The following PRKCE variants were observed in gnomAD, a reference collection of about 807,000 sequenced individuals.
PRKCE encodes the protein protein kinase C epsilon, also known as protein kinase C epsilon type.
PRKCE carries 16 observed loss-of-function variants against 85.4 expected under a neutral mutation model. The observed-to-expected ratio is 0.19, with a 90% CI of 0.13 to 0.28. The LOEUF is 0.28. Among genes scored for constraint, PRKCE ranks in the 10% least tolerant of loss-of-function variants. The pLI is 1.00. For missense variants in PRKCE, 573 were observed against 975.2 expected, an observed-to-expected ratio of 0.59 and a Z score of 5.49; for synonymous variants, 388 against 371.5, an observed-to-expected ratio of 1.04 and a Z score of -0.51.
intron 10 of PRKCE, among the ~76,000 whole-genome samples, chr2:46,066,228 T>C (rs1667614883): frequency 6.6e-6 from 1 of 152,194 alleles, no homozygotes; most frequent in Non-Finnish European, 1.5e-5. Context: ...TCCTTTGTTT[T>C]GATGTATCTG....
chr2:45,677,321 T>TG (rs1466314010), intron 1 of PRKCE, among the ~76,000 whole-genome samples: 2 of 123,098 alleles, frequency 1.6e-5, no homozygotes, highest in African/African-American at 3.2e-5. Context: ...CCAGTGAAGG[T>TG]TTTTTTTTTG....
chr2:45,790,541 T>G (rs967944261), intron 1 of PRKCE, among the ~76,000 whole-genome samples: 17 of 152,292 alleles, frequency 1.1e-4, no homozygotes, highest in African/African-American at 3.4e-4. Context: ...TCTATAACAT[T>G]TTTGTTCCAC....
chr2:45,877,836 C>A (rs150306036), intron 2 of PRKCE, among the ~76,000 whole-genome samples: 3 of 152,152 alleles, frequency 2.0e-5, no homozygotes, highest in South Asian at 2.1e-4. Flanking sequence ...AAAGCTTGAA[C>A]CTTACATTTG....
intron 6 of PRKCE, among the ~76,000 whole-genome samples, chr2:45,999,859 T>C (rs1464696540): frequency 1.3e-5 from 2 of 152,200 alleles, no homozygotes; most frequent in East Asian, 1.9e-4. Flanking sequence ...GCTCAGAGAT[T>C]GTTTCTTCAG....
At chr2:45,692,708 G>GACACACAC (rs61597020) in intron 1 of PRKCE, among the ~76,000 whole-genome samples, 16 of 149,556 alleles carry the variant, frequency 1.1e-4, no homozygotes, top group East Asian at 3.9e-4. Flanking sequence ...TCCAAGGGAG[G>GACACACAC]ACACACACAC....
chr2:45,700,186 C>G (rs934208950), intron 1 of PRKCE, among the ~76,000 whole-genome samples: 2 of 146,686 alleles, frequency 1.4e-5, no homozygotes, highest in African/African-American at 4.9e-5. Flanking sequence ...GAGCCAGGGT[C>G]TCGGTGGAGA....
intron 10 of PRKCE, among the ~76,000 whole-genome samples, chr2:46,032,907 T>C (rs1261295937): frequency 2.0e-5 from 3 of 152,076 alleles, no homozygotes; most frequent in Non-Finnish European, 4.4e-5. Flanking sequence ...AGAAAAGAGC[T>C]CTCTTTCCCA....
intron 2 of PRKCE, among the ~76,000 whole-genome samples, chr2:45,888,772 C>G (rs567828158): frequency 9.2e-5 from 14 of 152,276 alleles, no homozygotes; most frequent in African/African-American, 1.9e-4. Context: ...TTCCAAAGAG[C>G]AAGCCAGGGA....
intron 6 of PRKCE, among the ~76,000 whole-genome samples, chr2:45,990,728 C>A (rs1645381884): frequency 1.3e-5 from 2 of 151,124 alleles, no homozygotes; most frequent in East Asian, 3.9e-4. Flanking sequence ...GATCTCGGCT[C>A]TCAGCTCACT....
chr2:45,887,088 G>T (rs1006741693), intron 2 of PRKCE, among the ~76,000 whole-genome samples: 2 of 152,194 alleles, frequency 1.3e-5, no homozygotes, highest in African/African-American at 4.8e-5. Flanking sequence ...TTTACATGGT[G>T]TCTATCTGTA....
chr2:45,678,969 C>T (rs562096714), intron 1 of PRKCE, among the ~76,000 whole-genome samples: 39 of 152,138 alleles, frequency 2.6e-4, no homozygotes, highest in African/African-American at 8.9e-4. Context: ...TAATTGGTCA[C>T]GCAAAAGAAA....
intron 11 of PRKCE, among the ~76,000 whole-genome samples, chr2:46,125,679 C>T (rs1673779886): frequency 6.6e-6 from 1 of 152,112 alleles, no homozygotes; most frequent in Non-Finnish European, 1.5e-5. Flanking sequence ...TTCATGCATG[C>T]CAATAAATAC....
intron 1 of PRKCE, among the ~76,000 whole-genome samples, chr2:45,742,179 G>C (rs1285074626): frequency 6.6e-6 from 1 of 152,124 alleles, no homozygotes; most frequent in Non-Finnish European, 1.5e-5. Flanking sequence ...CCCACAGAAT[G>C]GGAGAAAATA....
chr2:45,826,449 G>T (rs571989699), intron 1 of PRKCE, among the ~76,000 whole-genome samples: 1 of 152,118 alleles, frequency 6.6e-6, no homozygotes. Context: ...ATGTCATTTT[G>T]GGTTAGGTTT....
Position 46,041,108 on chromosome 2 carries a change from A to G in PRKCE, c.1437+30591A>G, listed in dbSNP as rs1708192624. Reference sequence around the variant, plus strand: ...GGCACGAGGTATTCATTTCATAAGTAGGTTTGGATTCGGCAGGTCTTCAAG... The same window carrying G: ...GGCACGAGGTATTCATTTCATAAGTGGGTTTGGATTCGGCAGGTCTTCAAG... On this transcript the variant is annotated intron_variant, in intron 10 of 14. Coordinates refer to ENST00000306156, the MANE Select transcript of PRKCE (RefSeq NM_005400.3). This position sits in a 1 kb window ranked among gnomAD's most constrained non-coding sequence, Gnocchi z 5.5. Among the ~76,000 whole-genome samples the G allele has an allele frequency of 6.6e-6, 1 of 152,228 alleles. No individual in the cohort carries two copies. The highest frequency in any genetic ancestry group is 2.4e-5 in the African/African-American group (1 of 41,460).
At chr2:46,058,279 G>C (rs1171234783) in intron 10 of PRKCE, among the ~76,000 whole-genome samples, 1 of 152,182 alleles carries the variant, frequency 6.6e-6, no homozygotes, top group Non-Finnish European at 1.5e-5. Context: ...GTGGCCCATG[G>C]CAGGTCAGGA....
chr2:45,764,193 T>C (rs1188568215), intron 1 of PRKCE, among the ~76,000 whole-genome samples: 2 of 152,238 alleles, frequency 1.3e-5, no homozygotes, highest in African/African-American at 4.8e-5. Flanking sequence ...CTTAAAACGC[T>C]AATTTCCTTG....
At chr2:45,792,354 C>T (rs981187825) in intron 1 of PRKCE, among the ~76,000 whole-genome samples, 5 of 152,198 alleles carry the variant, frequency 3.3e-5, no homozygotes, top group Admixed American at 6.5e-5. Flanking sequence ...CTCCCAACAC[C>T]ACCACACTTG....
intron 6 of PRKCE, among the ~76,000 whole-genome samples, chr2:45,989,212 C>G (rs531953509): frequency 2.6e-5 from 4 of 152,296 alleles, no homozygotes; most frequent in African/African-American, 9.6e-5. Context: ...GGACAGGGGA[C>G]GAGGCACAGG....
Sources: gnomAD v4.1 joint callset for allele counts (sites outside exome capture counted in the v4.1 genomes callset) on GRCh38, gnomAD v4.1.1 for gene constraint, Gnocchi (gnomAD v3.1) non-coding constraint, MANE v1.5 for transcripts, NCBI Gene and HGNC (gene_info 2026-07-23, HGNC 2026-07-21) for gene names.